Variants in PLEKHA2 observed in about 807,000 individuals in gnomAD.
PLEKHA2 encodes pleckstrin homology domain-containing family A member 2.
In PLEKHA2, 28 loss-of-function variants were observed where a neutral mutation model predicts 53.2. That is an observed-to-expected ratio of 0.53 (90% CI 0.39 to 0.72). The LOEUF is 0.72. PLEKHA2 is among the 30% of genes least tolerant of loss of function. The pLI is 0.00. For synonymous variants in PLEKHA2, 193 were observed against 196.4 expected (o/e 0.98, Z 0.14); for missense variants, 426 against 537.9 (o/e 0.79, Z 2.06).
intron 1 of PLEKHA2, among the ~76,000 whole-genome samples, chr8:38,916,492 C>T (rs1332954886): frequency 6.6e-6 from 1 of 152,036 alleles, no homozygotes; most frequent in African/African-American, 2.4e-5. Flanking sequence ...ATTTTTAGAT[C>T]CCATAAATGA....
chr8:38,957,239 A>G, intron 9 of PLEKHA2, 84 bp from the exon 10 acceptor site: 2 of 1,082,416 alleles, frequency 1.8e-6, no homozygotes, highest in Non-Finnish European at 2.7e-6. Context: ...TTTTTATGGT[A>G]GAGGGCACTG....
intron 10 of PLEKHA2, among the ~76,000 whole-genome samples, chr8:38,966,827 G>T (rs573498920): frequency 6.6e-6 from 1 of 151,952 alleles, no homozygotes; most frequent in African/African-American, 2.4e-5. Context: ...AGGGGTACAA[G>T]TGCGGTTTTG....
rs867645440 is a variant in PLEKHA2 at position 38,943,726 on chromosome 8, A to G, written c.199-63A>G. 183 of 1,322,484 alleles carry G rather than the reference A, an allele frequency of 1.4e-4. No homozygotes were observed. In the African/African-American group the frequency reaches 2.5e-3, roughly 18 times the overall value. 81.9% of individuals were successfully genotyped at this position (1,322,484 alleles called of 1,614,324 possible). A position where few individuals can be genotyped will look rare whatever the true frequency, so the allele number is the denominator to read the frequency against. ...CTCTTTATATATGAGAAATTTCACA[A>G]TAAGAAATCTTCAACATTGTAAGAC... is the stretch of plus-strand genomic sequence containing the variant. On this transcript the variant is annotated intron_variant, in intron 3 of 11. Coordinates refer to ENST00000617275, the MANE Select transcript of PLEKHA2 (RefSeq NM_021623.2).
chr8:38,938,538 G>A (rs188829186), intron 3 of PLEKHA2, among the ~76,000 whole-genome samples: 31 of 152,370 alleles, frequency 2.0e-4, no homozygotes, highest in Non-Finnish European at 3.8e-4. Flanking sequence ...GTGCCTGGCC[G>A]CTGACGAGCT....
intron 8 of PLEKHA2, 31 bp from the exon 9 acceptor site, chr8:38,953,266 C>A: frequency 5.1e-6 from 8 of 1,559,972 alleles, no homozygotes; most frequent in Non-Finnish European, 7.1e-6. Flanking sequence ...CAGACAGCCT[C>A]ACTTACCTGT....
intron 2 of PLEKHA2, among the ~76,000 whole-genome samples, chr8:38,928,495 C>CTGACCTCAAGTGAG (rs1834328734): frequency 6.6e-6 from 1 of 152,020 alleles, no homozygotes; most frequent in African/African-American, 2.4e-5. Context: ...GTGATCCACC[C>CTGACCTCAAGTGAG]GCCTTGGCCT....
At chr8:38,953,223 T>G in intron 8 of PLEKHA2, 74 bp from the exon 9 acceptor site, 1 of 1,161,984 alleles carries the variant, frequency 8.6e-7, no homozygotes, top group Non-Finnish European at 1.3e-6. Context: ...GAGAAAGGGG[T>G]ATTGGTCAGC....
intron 5 of PLEKHA2, chr8:38,950,598 C>T (rs1021128588): frequency 1.6e-5 from 6 of 364,130 alleles, no homozygotes; most frequent in Admixed American, 1.3e-4. Context: ...TGGTTTCTAG[C>T]CAGGGAAGGG....
At position 38,913,920 on chromosome 8, in the gene PLEKHA2, T is replaced by C. The variant is rs546676190; in HGVS notation, c.-23-3987T>C. On this transcript the variant is annotated intron_variant, in intron 1 of 11. Transcript: ENST00000617275. ...GAAACTGGAGCTGGGGCGGAAGCTT[T>C]GTTGGAGGAGGCCCTGGGTCTGTCC... 3.3e-5 allele frequency among the ~76,000 whole-genome samples: 5 copies of C among 152,266 alleles called. No individual in the cohort carries two copies. The South Asian group carries it at 1.0e-3, about 32-fold the overall frequency.
chr8:38,938,138 A>G (rs1457971153), intron 3 of PLEKHA2, among the ~76,000 whole-genome samples: 8 of 152,060 alleles, frequency 5.3e-5, no homozygotes, highest in African/African-American at 1.9e-4. Context: ...CCGCTGTCCC[A>G]CCCCCAGCTG....
intron 2 of PLEKHA2, among the ~76,000 whole-genome samples, chr8:38,930,087 T>C (rs1834362004): frequency 6.6e-6 from 1 of 152,174 alleles, no homozygotes. Context: ...AGCCATATAT[T>C]TTCCCCCCTG....
At chr8:38,950,743 G>A (rs1834818282) in intron 5 of PLEKHA2, 107 bp from the exon 6 acceptor site, 5 of 1,404,740 alleles carry the variant, frequency 3.6e-6, no homozygotes, top group Non-Finnish European at 1.9e-6. Context: ...AAGTCTGACT[G>A]TAATTTGGCA....
At chr8:38,948,953 C>G (rs529922256) in intron 5 of PLEKHA2, among the ~76,000 whole-genome samples, 1 of 152,216 alleles carries the variant, frequency 6.6e-6, no homozygotes, top group African/African-American at 2.4e-5. Flanking sequence ...TCACTGCAAC[C>G]TCTGCCTTCT....
intron 9 of PLEKHA2, among the ~76,000 whole-genome samples, chr8:38,953,649 T>C (rs1834886657): frequency 1.3e-5 from 2 of 151,952 alleles, no homozygotes; most frequent in African/African-American, 4.8e-5. Flanking sequence ...AAACAAAGAG[T>C]GGGGCTCCGA....
At chr8:38,968,548 A>G in intron 10 of PLEKHA2, 44 bp from the exon 11 acceptor site, 1 of 1,588,986 alleles carries the variant, frequency 6.3e-7, no homozygotes, top group Non-Finnish European at 8.6e-7. Flanking sequence ...AGCTGAAATC[A>G]TAGTGCCTAA....
At chr8:38,934,587 A>G (rs1403890885) in intron 2 of PLEKHA2, among the ~76,000 whole-genome samples, 1 of 152,094 alleles carries the variant, frequency 6.6e-6, no homozygotes, top group Non-Finnish European at 1.5e-5. Flanking sequence ...TGTGATTTCT[A>G]ACCTTGACCG....
intron 8 of PLEKHA2, 110 bp from the exon 9 acceptor site, chr8:38,953,187 C>A: frequency 1.1e-6 from 1 of 885,642 alleles, no homozygotes; most frequent in South Asian, 1.4e-5. Context: ...GATTATTTGT[C>A]AACCTGATTT....
At chr8:38,902,083 T>A (rs1833795418) in intron 1 of PLEKHA2, 1 of 152,202 alleles carries the variant, frequency 6.6e-6, no homozygotes, top group African/African-American at 2.4e-5. Flanking sequence ...CGGTGCCAGG[T>A]TGGGTGAGCC....
intron 3 of PLEKHA2, among the ~76,000 whole-genome samples, chr8:38,941,764 A>T (rs1834617083): frequency 6.6e-6 from 1 of 152,236 alleles, no homozygotes; most frequent in South Asian, 2.1e-4. Context: ...TTTAACCCTC[A>T]TGATAACCCT....
Sources: gnomAD v4.1 joint callset for allele counts (sites outside exome capture counted in the v4.1 genomes callset) on GRCh38, gnomAD v4.1.1 for gene constraint, MANE v1.5 for transcripts, NCBI Gene and HGNC (gene_info 2026-07-23, HGNC 2026-07-21) for gene names.